The following CELF2 variants were observed in gnomAD, a reference collection of about 807,000 sequenced individuals.
The protein encoded by CELF2 is CUG triplet repeat RNA-binding protein 2.
Under a neutral mutation model 62.6 loss-of-function variants are expected in CELF2, and 8 were observed. That is an observed-to-expected ratio of 0.13 (90% confidence interval 0.07 to 0.23). The LOEUF (loss-of-function observed/expected upper bound fraction) is 0.23, where lower values mean the gene tolerates loss of function less well. Ranked by LOEUF, CELF2 falls within the 10% of genes least tolerant of loss-of-function variation. The pLI is 1.00. For synonymous variants in CELF2, 258 were observed against 250.0 expected (o/e 1.03, Z -0.30); for missense variants, 333 against 671.0 (o/e 0.50, Z 5.56).
Position 11,235,651 on chromosome 10 carries a change from C to T in CELF2, c.355-13502C>T, listed in dbSNP as rs111418873. Among the ~76,000 whole-genome samples, 22 of 152,240 alleles carry T rather than the reference C, an allele frequency of 1.4e-4. 1 individual carries two copies. The highest frequency in any genetic ancestry group is 5.1e-4 in the African/African-American group (21 of 41,530). On this transcript the variant is annotated intron_variant, in intron 3 of 12. Transcript: ENST00000633077. ...AAAATACCAAGCAAAGTCAGTGCAACTATGGAAGACGAGATGAATAAATGT... is the reference window on the plus strand; with the variant it reads ...AAAATACCAAGCAAAGTCAGTGCAATTATGGAAGACGAGATGAATAAATGT...
At chr10:10,473,483 A>C in the CELF2 span, among the ~76,000 whole-genome samples, 51 of 152,158 alleles carry the variant, frequency 3.4e-4, no homozygotes, top group African/African-American at 1.2e-3. Context: ...AGCCCTAGGA[A>C]ACTAATACAA....
At chr10:10,742,457 T>C in the CELF2 span, among the ~76,000 whole-genome samples, 1 of 152,044 alleles carries the variant, frequency 6.6e-6, no homozygotes, top group Non-Finnish European at 1.5e-5. Flanking sequence ...GGCAAAACCC[T>C]GTCTTAACAA....
At chr10:10,659,910 A>G in the CELF2 span, among the ~76,000 whole-genome samples, 9 of 152,206 alleles carry the variant, frequency 5.9e-5, no homozygotes, top group Non-Finnish European at 1.3e-4. Context: ...CCTCAAGGTG[A>G]TCACAGGGTT....
intron 1 of CELF2, among the ~76,000 whole-genome samples, chr10:11,068,530 G>T (rs2068762022): frequency 6.6e-6 from 1 of 151,950 alleles, no homozygotes; most frequent in South Asian, 2.1e-4. Context: ...AGAGGTCTTT[G>T]AAGGAACAAA....
At chr10:11,251,833 A>G (rs1347432613) in intron 4 of CELF2, among the ~76,000 whole-genome samples, 2 of 152,224 alleles carry the variant, frequency 1.3e-5, no homozygotes, top group East Asian at 3.8e-4. Context: ...AAGTTCTGCT[A>G]AGTTAACACT....
At position 11,198,326 on chromosome 10, in the gene CELF2, A is replaced by G. The variant is rs111261743; in HGVS notation, c.272-19099A>G. Among the ~76,000 whole-genome samples, 428 of 152,318 alleles carry G rather than the reference A, an allele frequency of 2.8e-3. 3 individuals are homozygous for G. Among genetic ancestry groups the G allele is most frequent in the African/African-American group, 9.6e-3 (400 of 41,562 alleles). On this transcript the variant is annotated intron_variant, in intron 2 of 12. Coordinates refer to ENST00000633077, the MANE Select transcript of CELF2 (RefSeq NM_001326342.2). ...CTGCATTCAGCAAGCCCTTTCCCAAATTGGGTAGTTCTATTTTGTTATCTT... is the reference window on the plus strand; with the variant it reads ...CTGCATTCAGCAAGCCCTTTCCCAAGTTGGGTAGTTCTATTTTGTTATCTT...
intron 1 of CELF2, among the ~76,000 whole-genome samples, chr10:10,822,730 G>A (rs541506515): frequency 8.5e-5 from 13 of 152,358 alleles, no homozygotes; most frequent in Non-Finnish European, 1.9e-4. Flanking sequence ...GAGAGAGAAA[G>A]AGGAAGGGGG....
chr10:11,125,548 T>G (rs1186921970), intron 1 of CELF2, among the ~76,000 whole-genome samples: 3 of 152,146 alleles, frequency 2.0e-5, no homozygotes, highest in South Asian at 2.1e-4. Context: ...GGGGATTAAG[T>G]CTCTCAATTC....
At chr10:10,730,384 G>A in the CELF2 span, among the ~76,000 whole-genome samples, 4 of 152,138 alleles carry the variant, frequency 2.6e-5, no homozygotes, top group African/African-American at 9.7e-5. Context: ...GGCTGAGGCA[G>A]GAGAATCGCT....
intron 9 of CELF2, among the ~76,000 whole-genome samples, chr10:11,293,127 G>A (rs951108569): frequency 5.3e-5 from 8 of 152,212 alleles, no homozygotes; most frequent in East Asian, 1.9e-4. Context: ...GCCACCCCCC[G>A]TAGCCCAGCC....
chr10:10,766,138 AG>A, the CELF2 span, among the ~76,000 whole-genome samples: 1 of 152,218 alleles, frequency 6.6e-6, no homozygotes, highest in East Asian at 1.9e-4. Context: ...TTGCACAGAC[AG>A]GAAGTGCAAA....
intron 2 of CELF2, among the ~76,000 whole-genome samples, chr10:11,212,737 G>GTTTTT (rs11354880): frequency 2.2e-5 from 2 of 91,976 alleles, no homozygotes; most frequent in African/African-American, 3.9e-5. Flanking sequence ...TGTGTTTTGG[G>GTTTTT]TTTTTTTTTT....
chr10:10,786,195 G>A, the CELF2 span, among the ~76,000 whole-genome samples: 3 of 152,138 alleles, frequency 2.0e-5, no homozygotes, highest in South Asian at 2.1e-4. Flanking sequence ...ACTGTCTACC[G>A]GCAGGGCTAC....
At chr10:10,683,545 G>A in the CELF2 span, among the ~76,000 whole-genome samples, 5 of 152,172 alleles carry the variant, frequency 3.3e-5, no homozygotes, top group Admixed American at 6.5e-5. Flanking sequence ...TCTGATTACA[G>A]ACAGGCTCAT....
chr10:10,600,644 G>A, the CELF2 span, among the ~76,000 whole-genome samples: 1 of 152,148 alleles, frequency 6.6e-6, no homozygotes, highest in East Asian at 1.9e-4. Context: ...TAGAGAAACT[G>A]ATACATGTAT....
In CELF2 at chr10:10,972,111, A is replaced by C. The variant is rs1564289020; in HGVS notation, c.89+52112A>C. 1.3e-5 allele frequency among the ~76,000 whole-genome samples: 2 copies of C among 152,076 alleles called. No individual in the cohort carries two copies. The highest frequency in any genetic ancestry group is 4.8e-5 in the African/African-American group (2 of 41,402). ...TAATCAATGTCTTGGCAATTGTTAA[A>C]ATTTAGCCTTTATGGAGTCCTCATA... On this transcript the variant is annotated intron_variant, in intron 2 of 13. Transcript: ENST00000636488. The surrounding 1 kb of genome is among the most constrained non-coding windows in gnomAD (Gnocchi z 4.4).
chr10:11,272,472 G>A (rs970710000), intron 7 of CELF2, among the ~76,000 whole-genome samples: 2 of 152,138 alleles, frequency 1.3e-5, no homozygotes, highest in Admixed American at 1.3e-4. Flanking sequence ...TAAGAGTCCG[G>A]CTTCCCCCAT....
chr10:11,049,992 A>AT (rs1157611018), intron 1 of CELF2, among the ~76,000 whole-genome samples: 1 of 152,190 alleles, frequency 6.6e-6, no homozygotes, highest in Admixed American at 6.5e-5. Flanking sequence ...CTGGTTCCAC[A>AT]TGCCACCTGT....
At chr10:11,100,077 C>T (rs1266767118) in intron 1 of CELF2, among the ~76,000 whole-genome samples, 4 of 151,880 alleles carry the variant, frequency 2.6e-5, no homozygotes, top group African/African-American at 9.7e-5. Flanking sequence ...TGGTGGGCTC[C>T]TCTGAAATTC....
Sources: gnomAD v4.1 joint callset for allele counts (sites outside exome capture counted in the v4.1 genomes callset) on GRCh38, gnomAD v4.1.1 for gene constraint, Gnocchi (gnomAD v3.1) non-coding constraint, MANE v1.5 for transcripts, NCBI Gene and HGNC (gene_info 2026-07-23, HGNC 2026-07-21) for gene names.